The following ITGBL1 variants were observed in gnomAD, a reference collection of about 807,000 sequenced individuals.
ITGBL1 encodes integrin subunit beta like 1.
Under a neutral mutation model 68.5 loss-of-function variants are expected in ITGBL1, and 51 were observed. That is an observed-to-expected ratio of 0.74 (90% confidence interval 0.59 to 0.94). The LOEUF (loss-of-function observed/expected upper bound fraction) is 0.94, where lower values mean the gene tolerates loss of function less well. Ranked by LOEUF, ITGBL1 falls within the 40% of genes least tolerant of loss-of-function variation. The probability of loss-of-function intolerance (pLI) is 0.00; values close to 1 mark genes in which losing one functional copy is unlikely to be tolerated. For missense variants in ITGBL1, 649 were observed against 647.4 expected (o/e 1.00, Z -0.03); for synonymous variants, 209 against 227.3 (o/e 0.92, Z 0.72).
At chr13:101,663,215 T>C (rs1437944674) in intron 7 of ITGBL1, among the ~76,000 whole-genome samples, 3 of 152,140 alleles carry the variant, frequency 2.0e-5, no homozygotes, top group Non-Finnish European at 2.9e-5. Context: ...AAAATGCAAA[T>C]AATACCATGA....
chr13:101,657,335 T>G (rs191657295), intron 7 of ITGBL1, among the ~76,000 whole-genome samples: 45 of 152,346 alleles, frequency 3.0e-4, no homozygotes, highest in African/African-American at 1.1e-3. Context: ...GTTTTAAGCT[T>G]TTCTGAAACA....
intron 6 of ITGBL1, among the ~76,000 whole-genome samples, chr13:101,586,265 A>T (rs1165498187): frequency 6.6e-6 from 1 of 152,082 alleles, no homozygotes; most frequent in Non-Finnish European, 1.5e-5. Context: ...GTGGGTATGG[A>T]CAGGTAGGGG....
intron 2 of ITGBL1, among the ~76,000 whole-genome samples, chr13:101,563,658 A>T (rs765346773): frequency 2.2e-4 from 34 of 151,910 alleles, no homozygotes; most frequent in Non-Finnish European, 4.6e-4. Flanking sequence ...ATAGTTAAAC[A>T]TTTGTAAAAA....
intron 7 of ITGBL1, among the ~76,000 whole-genome samples, chr13:101,644,754 G>A (rs1167666960): frequency 1.3e-5 from 2 of 151,968 alleles, no homozygotes; most frequent in African/African-American, 2.4e-5. Flanking sequence ...TTTTAGATGA[G>A]TAATATTTAC....
chr13:101,566,531 G>A (rs2050185402), intron 2 of ITGBL1, among the ~76,000 whole-genome samples: 1 of 152,084 alleles, frequency 6.6e-6, no homozygotes, highest in South Asian at 2.1e-4. Flanking sequence ...ACAGAAATAG[G>A]AACATTTACA....
At position 101,700,648 on chromosome 13, in the gene ITGBL1, G is replaced by A. The variant is rs76517578; in HGVS notation, c.1133-6108G>A. Among the ~76,000 whole-genome samples the A allele has an allele frequency of 7.0e-3, 1,069 of 152,170 alleles. 10 individuals carry two copies. Among genetic ancestry groups the A allele is most frequent in the African/African-American group, 0.024 (1,003 of 41,504 alleles). ...TTTTTTTACCAAGAGTAAATCATTTGCTATGTTCTCATTTCTGAGAAGGGA... is the reference window on the plus strand; with the variant it reads ...TTTTTTTACCAAGAGTAAATCATTTACTATGTTCTCATTTCTGAGAAGGGA... On this transcript the variant is annotated intron_variant, in intron 8 of 10. Transcript: ENST00000376180.
chr13:101,572,798 G>A (rs2050294432), intron 3 of ITGBL1, among the ~76,000 whole-genome samples: 1 of 152,064 alleles, frequency 6.6e-6, no homozygotes, highest in Non-Finnish European at 1.5e-5. Flanking sequence ...AGAATTTGGA[G>A]GCAGAGGCTG....
intron 2 of ITGBL1, among the ~76,000 whole-genome samples, chr13:101,470,250 C>T (rs185730441): frequency 3.6e-4 from 55 of 152,216 alleles, no homozygotes; most frequent in Admixed American, 6.5e-4. Flanking sequence ...CTTTCATATC[C>T]ATAAATAATT....
chr13:101,490,057 T>C, intron 2 of ITGBL1: 4 of 1,040,470 alleles, frequency 3.8e-6, no homozygotes, highest in Non-Finnish European at 5.7e-6. Context: ...TGAATATTTG[T>C]TTACCCCCAA....
At chr13:101,678,921 T>TA (rs1472400047) in intron 7 of ITGBL1, among the ~76,000 whole-genome samples, 1 of 151,844 alleles carries the variant, frequency 6.6e-6, no homozygotes, top group Admixed American at 6.6e-5. Context: ...TTTTAATTTT[T>TA]TTTTTTATTT....
intron 2 of ITGBL1, among the ~76,000 whole-genome samples, chr13:101,527,350 T>C (rs1325467334): frequency 6.6e-6 from 1 of 152,180 alleles, no homozygotes; most frequent in East Asian, 1.9e-4. Context: ...AGGAATGTTG[T>C]ACATTGTACT....
intron 6 of ITGBL1, among the ~76,000 whole-genome samples, chr13:101,588,259 A>G (rs2050591547): frequency 6.6e-6 from 1 of 150,776 alleles, no homozygotes; most frequent in South Asian, 2.1e-4. Flanking sequence ...TTTTTATGGT[A>G]GGTAGATTAT....
chr13:101,498,012 T>C (rs951199066), intron 2 of ITGBL1, among the ~76,000 whole-genome samples: 5 of 152,164 alleles, frequency 3.3e-5, no homozygotes, highest in Admixed American at 2.6e-4. Flanking sequence ...AATAGTAGTG[T>C]CTGGTTCTGT....
intron 6 of ITGBL1, among the ~76,000 whole-genome samples, chr13:101,583,730 T>C (rs2050504091): frequency 6.6e-6 from 1 of 152,214 alleles, no homozygotes; most frequent in South Asian, 2.1e-4. Flanking sequence ...TTTCAAGATT[T>C]CTGATTCTCA....
chr13:101,564,735 T>C (rs887548309), intron 2 of ITGBL1, among the ~76,000 whole-genome samples: 5 of 150,672 alleles, frequency 3.3e-5, no homozygotes, highest in African/African-American at 1.2e-4. Flanking sequence ...AACACAGGTA[T>C]ATATGTATGT....
At chr13:101,579,154 A>T in intron 4 of ITGBL1, 133 bp from the exon 5 acceptor site, 2 of 921,106 alleles carry the variant, frequency 2.2e-6, no homozygotes, top group Non-Finnish European at 3.3e-6. Context: ...GTATAATTTG[A>T]TTATTTTAGG....
rs139818025 is a variant in ITGBL1 at position 101,585,323 on chromosome 13, C to A, written c.868+1967C>A. 3.3e-3 allele frequency among the ~76,000 whole-genome samples: 506 copies of A among 152,224 alleles called. 12 individuals are homozygous for A. Among genetic ancestry groups the A allele is most frequent in the Admixed American group, 0.03 (465 of 15,302 alleles). The stretch of plus-strand genomic sequence containing the variant: ...AGCCAAAGTTTATATTTTTTCCCAG[C>A]CTGTTGAATATGTGAGTCAGGGTCA... On this transcript the variant is annotated intron_variant, in intron 6 of 10. Coordinates refer to ENST00000376180, the MANE Select transcript of ITGBL1 (RefSeq NM_004791.3).
intron 2 of ITGBL1, among the ~76,000 whole-genome samples, chr13:101,505,717 T>C (rs1169149166): frequency 3.3e-5 from 5 of 152,090 alleles, no homozygotes; most frequent in Non-Finnish European, 7.4e-5. Flanking sequence ...CTTAAGGCTT[T>C]CTCTCCGTCT....
chr13:101,463,154 C>T (rs1480985296), intron 2 of ITGBL1, among the ~76,000 whole-genome samples: 1 of 152,064 alleles, frequency 6.6e-6, no homozygotes, highest in African/African-American at 2.4e-5. Context: ...TGCTAGACAC[C>T]CCTCTCCTAC....
Sources: gnomAD v4.1 joint callset for allele counts (sites outside exome capture counted in the v4.1 genomes callset) on GRCh38, gnomAD v4.1.1 for gene constraint, MANE v1.5 for transcripts, NCBI Gene and HGNC (gene_info 2026-07-23, HGNC 2026-07-21) for gene names.